The following GALNTL6 variants were observed in gnomAD, a reference collection of about 807,000 sequenced individuals.
GALNTL6 encodes the protein polypeptide N-acetylgalactosaminyltransferase-like 6.
GALNTL6 carries 46 observed loss-of-function variants against 73.7 expected under a neutral mutation model. That is an observed-to-expected ratio of 0.62 (90% CI 0.49 to 0.80). The LOEUF (loss-of-function observed/expected upper bound fraction) is 0.80, where lower values mean the gene tolerates loss of function less well. GALNTL6 is among the 30% of genes least tolerant of loss of function. GALNTL6 has a pLI of 0.00. For synonymous variants in GALNTL6, 259 were observed against 263.7 expected, an observed-to-expected ratio of 0.98 and a Z score of 0.17; for missense variants, 604 against 755.0, an observed-to-expected ratio of 0.80 and a Z score of 2.34.
At chr4:172,372,535 A>G (rs986318541) in intron 5 of GALNTL6, among the ~76,000 whole-genome samples, 2 of 152,212 alleles carry the variant, frequency 1.3e-5, no homozygotes, top group African/African-American at 4.8e-5. Flanking sequence ...TTGCTACTAC[A>G]TCAATTTCCT....
rs75035521 is a variant in GALNTL6, at chr4:172,473,596, A to G, written c.553+124907A>G. ...CATATATACAAAATGTTTCACCTGAAGTTCAAGATAGACTTTCTTTACAAG... is the reference window on the plus strand; with the variant it reads ...CATATATACAAAATGTTTCACCTGAGGTTCAAGATAGACTTTCTTTACAAG... On this transcript the variant is annotated intron_variant, in intron 5 of 12. Transcript: ENST00000506823. Among the ~76,000 whole-genome samples the G allele has an allele frequency of 5.8e-3, 890 of 152,324 alleles. 10 individuals are homozygous for G. The highest frequency in any genetic ancestry group is 0.02 in the African/African-American group (848 of 41,568).
chr4:172,725,690 C>A lies in GALNTL6; in HGVS notation c.554-83671C>A, dbSNP rs1437100232. Among the ~76,000 whole-genome samples the A allele has an allele frequency of 2.0e-5, 3 of 152,222 alleles. No homozygotes were observed. In the South Asian group the frequency reaches 6.2e-4, roughly 32 times the overall value. On this transcript the variant is annotated intron_variant, in intron 5 of 12. Coordinates refer to ENST00000506823, the MANE Select transcript of GALNTL6 (RefSeq NM_001034845.3). ...TCTTGACAAATGTTTAACAATCTTG[C>A]GTTCTGCTTTAAAGAGGTCTGGATT...
intron 2 of GALNTL6, among the ~76,000 whole-genome samples, chr4:171,997,597 G>A (rs1211470560): frequency 6.6e-6 from 1 of 151,998 alleles, no homozygotes; most frequent in African/African-American, 2.4e-5. Flanking sequence ...AGATAAAATG[G>A]TTGTATGGAT....
chr4:172,281,037 C>T (rs994354062), intron 3 of GALNTL6, among the ~76,000 whole-genome samples: 23 of 150,954 alleles, frequency 1.5e-4, no homozygotes, highest in African/African-American at 3.2e-4. Context: ...GGCGTGGTGG[C>T]GAGTGCCTGT....
chr4:172,242,309 A>ATG (rs751253940), intron 3 of GALNTL6, among the ~76,000 whole-genome samples: 127 of 151,578 alleles, frequency 8.4e-4, no homozygotes, highest in African/African-American at 2.8e-3. Context: ...CCATTCAGAG[A>ATG]TGTGTGTGTG....
intron 4 of GALNTL6, among the ~76,000 whole-genome samples, chr4:172,329,733 T>TCTA (rs1741062350): frequency 6.6e-6 from 1 of 151,892 alleles, no homozygotes; most frequent in South Asian, 2.1e-4. Flanking sequence ...AAGGCAACAA[T>TCTA]GGCTAAGGCT....
At chr4:172,956,645 G>A (rs1749767439) in intron 10 of GALNTL6, among the ~76,000 whole-genome samples, 1 of 152,172 alleles carries the variant, frequency 6.6e-6, no homozygotes, top group South Asian at 2.1e-4. Context: ...TTGGTCTGGT[G>A]TCTGGAATGA....
At chr4:172,343,180 T>C (rs1432463264) in intron 4 of GALNTL6, among the ~76,000 whole-genome samples, 1 of 152,166 alleles carries the variant, frequency 6.6e-6, no homozygotes, top group Non-Finnish European at 1.5e-5. Flanking sequence ...AAGCCATACT[T>C]TGAATAAGCT....
At chr4:172,777,071 C>A (rs1739115603) in intron 5 of GALNTL6, among the ~76,000 whole-genome samples, 1 of 152,102 alleles carries the variant, frequency 6.6e-6, no homozygotes, top group African/African-American at 2.4e-5. Flanking sequence ...TTAAGATTTA[C>A]TCTTAGTTCA....
At chr4:171,894,066 T>C (rs1736833162) in intron 2 of GALNTL6, among the ~76,000 whole-genome samples, 1 of 151,980 alleles carries the variant, frequency 6.6e-6, no homozygotes, top group Non-Finnish European at 1.5e-5. Flanking sequence ...TGCAGTTGCT[T>C]CATGTTGATG....
At chr4:172,245,200 T>C (rs1006488735) in intron 3 of GALNTL6, among the ~76,000 whole-genome samples, 2 of 152,156 alleles carry the variant, frequency 1.3e-5, no homozygotes, top group East Asian at 3.9e-4. Flanking sequence ...CGTTCCTGCA[T>C]AGCTGCTAAA....
intron 2 of GALNTL6, among the ~76,000 whole-genome samples, chr4:172,173,507 C>G (rs965891582): frequency 1.3e-5 from 2 of 152,208 alleles, no homozygotes; most frequent in Non-Finnish European, 2.9e-5. Context: ...GAGCAACCTT[C>G]TGCGTGGGCC....
intron 9 of GALNTL6, among the ~76,000 whole-genome samples, chr4:172,936,984 G>C (rs1371723693): frequency 1.3e-5 from 2 of 152,060 alleles, no homozygotes; most frequent in Admixed American, 1.3e-4. Flanking sequence ...TAGAGTGCTT[G>C]AGATAAACTG....
chr4:172,459,145 C>A (rs1328277124), intron 5 of GALNTL6, among the ~76,000 whole-genome samples: 1 of 152,130 alleles, frequency 6.6e-6, no homozygotes, highest in Non-Finnish European at 1.5e-5. Context: ...CAGAAAAGGC[C>A]TTCGATAAAA....
At chr4:171,979,716 G>A (rs1739835736) in intron 2 of GALNTL6, among the ~76,000 whole-genome samples, 1 of 152,192 alleles carries the variant, frequency 6.6e-6, no homozygotes, top group Non-Finnish European at 1.5e-5. Context: ...CACATATCAG[G>A]GAGAGTGGAA....
At position 172,821,072 on chromosome 4, in the gene GALNTL6, A is replaced by G. The variant is rs1455963338; in HGVS notation, c.923+7349A>G. 3.9e-5 allele frequency among the ~76,000 whole-genome samples: 6 copies of G among 152,238 alleles called. No individual in the cohort carries two copies. In the East Asian group the frequency reaches 1.2e-3, roughly 29 times the overall value. On this transcript the variant is annotated intron_variant, in intron 7 of 12. Coordinates refer to ENST00000506823, the MANE Select transcript of GALNTL6 (RefSeq NM_001034845.3). Reference sequence around the variant, plus strand: ...AGAATCTATTTCATGAAACCTATGTAGTATGTAATACGAAAACTAACATCT... The same window carrying G: ...AGAATCTATTTCATGAAACCTATGTGGTATGTAATACGAAAACTAACATCT...
chr4:172,272,374 T>C (rs940060195), intron 3 of GALNTL6, among the ~76,000 whole-genome samples: 9 of 152,356 alleles, frequency 5.9e-5, no homozygotes, highest in South Asian at 4.1e-4. Context: ...GAGAACATCA[T>C]AGAGCATATT....
At chr4:171,998,590 C>T (rs1740571180) in intron 2 of GALNTL6, among the ~76,000 whole-genome samples, 2 of 152,098 alleles carry the variant, frequency 1.3e-5, no homozygotes, top group Non-Finnish European at 2.9e-5. Context: ...CACAGTTTAG[C>T]TTGTAACCAT....
chr4:172,340,908 G>C (rs1741535513), intron 4 of GALNTL6, among the ~76,000 whole-genome samples: 1 of 152,168 alleles, frequency 6.6e-6, no homozygotes, highest in African/African-American at 2.4e-5. Context: ...GATGTGAGGA[G>C]GACTCTGCAG....
Sources: gnomAD v4.1 joint callset for allele counts (sites outside exome capture counted in the v4.1 genomes callset) on GRCh38, gnomAD v4.1.1 for gene constraint, MANE v1.5 for transcripts, NCBI Gene and HGNC (gene_info 2026-07-23, HGNC 2026-07-21) for gene names.